The following CPNE2 variants were observed in gnomAD, a reference collection of about 807,000 sequenced individuals.
The protein encoded by CPNE2 is copine-2.
CPNE2 carries 42 observed loss-of-function variants against 69.7 expected under a neutral mutation model. The ratio of observed to expected loss-of-function variants is 0.60; its 90% CI spans 0.47 to 0.78. CPNE2 has a LOEUF of 0.78. Ranked by LOEUF, CPNE2 falls within the 30% of genes least tolerant of loss-of-function variation. CPNE2 has a pLI of 0.00. For missense variants in CPNE2, 587 were observed against 732.0 expected, an observed-to-expected ratio of 0.80 and a Z score of 2.29; for synonymous variants, 294 against 289.8, an observed-to-expected ratio of 1.01 and a Z score of -0.15.
At chr16:57,102,844 C>T (rs1042563111) in intron 1 of CPNE2, among the ~76,000 whole-genome samples, 8 of 152,214 alleles carry the variant, frequency 5.3e-5, no homozygotes, top group Admixed American at 2.6e-4. Flanking sequence ...TCGGATGATC[C>T]GCCCGCCTCA....
chr16:57,115,607 C>G, intron 4 of CPNE2, 57 bp downstream of exon 4: 2 of 1,272,290 alleles, frequency 1.6e-6, no homozygotes, highest in Non-Finnish European at 2.2e-6. Context: ...ACACCCTCCC[C>G]CATCAATGGG....
chr16:57,101,916 G>A (rs980927647), intron 1 of CPNE2, among the ~76,000 whole-genome samples: 6 of 151,968 alleles, frequency 3.9e-5, no homozygotes, highest in Non-Finnish European at 8.8e-5. Flanking sequence ...GCTAGAGCAG[G>A]TCTGGGTGGG....
chr16:57,097,194 C>T (rs2069583158), intron 1 of CPNE2, among the ~76,000 whole-genome samples: 1 of 152,116 alleles, frequency 6.6e-6, no homozygotes, highest in Non-Finnish European at 1.5e-5. Context: ...TCACTTCACC[C>T]TGCTTTATTC....
At chr16:57,119,124 G>A (rs2069741965) in intron 5 of CPNE2, 71 bp from the exon 6 acceptor site, 2 of 1,369,884 alleles carry the variant, frequency 1.5e-6, no homozygotes, top group South Asian at 1.2e-5. Flanking sequence ...GAGGCAGCAG[G>A]GCCACACCCC....
intron 13 of CPNE2, among the ~76,000 whole-genome samples, chr16:57,135,185 T>C (rs2069869571): frequency 6.6e-6 from 1 of 151,900 alleles, no homozygotes; most frequent in Non-Finnish European, 1.5e-5. Flanking sequence ...CAGGAGGAGG[T>C]GAGGGTGGCA....
intron 1 of CPNE2, among the ~76,000 whole-genome samples, chr16:57,100,124 C>G (rs912332950): frequency 6.6e-6 from 1 of 151,942 alleles, no homozygotes; most frequent in Admixed American, 6.6e-5. Flanking sequence ...GGCTGGGTCT[C>G]GAACTCCTGA....
At chr16:57,096,455 G>A (rs1445071517) in intron 1 of CPNE2, among the ~76,000 whole-genome samples, 1 of 152,138 alleles carries the variant, frequency 6.6e-6, no homozygotes, top group Non-Finnish European at 1.5e-5. Context: ...ACTGAGGGAG[G>A]CCAAGATAGT....
intron 11 of CPNE2, 69 bp downstream of exon 11, chr16:57,126,062 A>G (rs2069798970): frequency 6.3e-7 from 1 of 1,582,956 alleles, no homozygotes; most frequent in Admixed American, 1.8e-5. Flanking sequence ...AGTGTATCAA[A>G]GCTAGAAGGG....
At chr16:57,129,967 A>C (rs1198117142) in intron 12 of CPNE2, among the ~76,000 whole-genome samples, 1 of 152,072 alleles carries the variant, frequency 6.6e-6, no homozygotes, top group African/African-American at 2.4e-5. Flanking sequence ...CAGCCACATG[A>C]GGCGGGGTGC....
chr16:57,123,354 T>A, intron 9 of CPNE2, 60 bp from the exon 10 acceptor site: 1 of 1,564,384 alleles, frequency 6.4e-7, no homozygotes, highest in Non-Finnish European at 8.8e-7. Flanking sequence ...GAGCAACAAC[T>A]CCCCCATGGG....
chr16:57,105,656 A>G (rs1470473257), intron 1 of CPNE2, among the ~76,000 whole-genome samples: 1 of 152,082 alleles, frequency 6.6e-6, no homozygotes, highest in East Asian at 1.9e-4. Flanking sequence ...TGTTGAATGA[A>G]CCAATGAATC....
intron 4 of CPNE2, among the ~76,000 whole-genome samples, chr16:57,116,337 G>A (rs76694412): frequency 0.04 from 6,075 of 151,920 alleles, 207 homozygotes; most frequent in East Asian, 0.19. Flanking sequence ...CTGCCCCCAC[G>A]GATCACCACC....
At position 57,130,548 on chromosome 16, in the gene CPNE2, G is replaced by T. The variant is rs1174533841; in HGVS notation, c.1116+2645G>T. Among the ~76,000 whole-genome samples the T allele has an allele frequency of 6.6e-6, 1 of 152,022 alleles. No homozygotes were observed. Among genetic ancestry groups the T allele is most frequent in the Non-Finnish European group, 1.5e-5 (1 of 68,008 alleles). ...GAATGTTCTAGATACCACTCTGCCT[G>T]CTTTACCAGTTTCAACTAATTCTCA... On this transcript the variant is annotated intron_variant, in intron 12 of 15. Transcript: ENST00000290776. The surrounding 1 kb of genome is among the most constrained non-coding windows in gnomAD (Gnocchi z 4.1).
chr16:57,136,647 C>T (rs1161572653), intron 13 of CPNE2, among the ~76,000 whole-genome samples: 2 of 152,194 alleles, frequency 1.3e-5, no homozygotes, highest in Non-Finnish European at 2.9e-5. Flanking sequence ...GACACGGTGA[C>T]TCATGCCTGT....
At chr16:57,119,372 C>T in intron 6 of CPNE2, 94 bp downstream of exon 6, 1 of 1,361,984 alleles carries the variant, frequency 7.3e-7, no homozygotes, top group South Asian at 1.2e-5. Flanking sequence ...CACAGCCGCT[C>T]AGTGTGCAGG....
chr16:57,131,505 C>T (rs1236055315), intron 12 of CPNE2, among the ~76,000 whole-genome samples: 1 of 152,206 alleles, frequency 6.6e-6, no homozygotes, highest in Non-Finnish European at 1.5e-5. Context: ...GGGCCCAGCA[C>T]GAGCCCGTTG....
At chr16:57,093,432 C>T (rs2145226943) in intron 1 of CPNE2, among the ~76,000 whole-genome samples, 1 of 152,308 alleles carries the variant, frequency 6.6e-6, no homozygotes, top group African/African-American at 2.4e-5. Flanking sequence ...AAGGCCCTCT[C>T]TTATTCCCCG....
At position 57,110,774 on chromosome 16, in the gene CPNE2, C is replaced by G. The variant is rs1419846415; in HGVS notation, c.32C>G (p.Ala11Gly). The G allele has an allele frequency of 2.5e-6, 4 of 1,612,862 alleles. No individual in the cohort carries two copies. The highest frequency in any genetic ancestry group is 1.7e-5 in the Admixed American group (1 of 59,920). The change falls in exon 2 of 16, where the codon GCA (alanine) becomes GGA (glycine). Residue 11 changes from alanine (A) to glycine (G), a missense_variant. Coordinates refer to ENST00000290776, the MANE Select transcript of CPNE2 (RefSeq NM_152727.6). The stretch of plus-strand genomic sequence containing the variant: ...CACATACCCAGTGGGGGTGCCCCAG[C>G]AGCGGGGGCAGCCCCCATGGGCCCC... MAHIPSGGAPAAGAAPMGPQY... is the reference protein window; with the variant it reads MAHIPSGGAPGAGAAPMGPQY...
At chr16:57,121,523 C>T in intron 8 of CPNE2, 151 bp from the exon 9 acceptor site, 1 of 756,952 alleles carries the variant, frequency 1.3e-6, no homozygotes, top group Non-Finnish European at 2.3e-6. Context: ...GATCCTGCTA[C>T]CATTTTTGGG....
Sources: gnomAD v4.1 joint callset for allele counts (sites outside exome capture counted in the v4.1 genomes callset) on GRCh38, gnomAD v4.1.1 for gene constraint, Gnocchi (gnomAD v3.1) non-coding constraint, MANE v1.5 for transcripts, NCBI Gene and HGNC (gene_info 2026-07-23, HGNC 2026-07-21) for gene names.